Variants in DEGS1 observed in about 807,000 individuals in gnomAD.
DEGS1 encodes sphingolipid delta(4)-desaturase DES1.
Under a neutral mutation model 24.1 loss-of-function variants are expected in DEGS1, and 17 were observed. That is an observed-to-expected ratio of 0.70 (90% CI 0.48 to 1.06). The LOEUF (loss-of-function observed/expected upper bound fraction) is 1.06. Ranked by LOEUF, DEGS1 falls within the 50% of genes least tolerant of loss-of-function variation. The pLI, the probability that DEGS1 is intolerant of heterozygous loss-of-function variation, is 0.00. For missense variants in DEGS1, 366 were observed against 408.9 expected (o/e 0.90, Z 0.91); for synonymous variants, 134 against 140.0 (o/e 0.96, Z 0.30).
chr1:224,191,389 CAAAA>C (rs111834890), intron 2 of DEGS1, among the ~76,000 whole-genome samples: 1 of 123,092 alleles, frequency 8.1e-6, no homozygotes, highest in African/African-American at 3.0e-5. Flanking sequence ...AACTCCGTCT[CAAAA>C]AAAAAAAAAG....
chr1:224,186,600 C>G (rs1658400053), intron 1 of DEGS1, among the ~76,000 whole-genome samples: 2 of 151,358 alleles, frequency 1.3e-5, no homozygotes, highest in African/African-American at 4.9e-5. Context: ...GTAGTCCCAA[C>G]TACTCAGGAG....
At position 224,190,190 on chromosome 1, in the gene DEGS1, G is replaced by A. The variant is rs1213448082; in HGVS notation, c.696G>A (p.Glu232=). 10 of 1,560,754 alleles carry A rather than the reference G, an allele frequency of 6.4e-6. No homozygotes were observed. Among genetic ancestry groups the A allele is most frequent in the Non-Finnish European group, 8.6e-6 (10 of 1,157,644 alleles). Residue 232 remains glutamate (E), a synonymous_variant, in exon 2 of 3, where the codon GAG becomes GAA. Coordinates refer to ENST00000323699, the MANE Select transcript of DEGS1 (RefSeq NM_003676.4). ...CAATTTCTGGACATTTTATAGCTGA[G>A]CATTACATGTTCTTAAAGGGTCATG... ...LHPISGHFIA[E]HYMFLKGHET...
At chr1:224,191,917 A>G (rs1383929985) in intron 2 of DEGS1, among the ~76,000 whole-genome samples, 1 of 152,036 alleles carries the variant, frequency 6.6e-6, no homozygotes, top group Admixed American at 6.6e-5. Flanking sequence ...TTTCTATCTA[A>G]TTAGCATGCC....
At chr1:224,192,285 A>G (rs1329661237) in intron 2 of DEGS1, 47 bp from the exon 3 acceptor site, 4 of 1,565,490 alleles carry the variant, frequency 2.6e-6, no homozygotes, top group Non-Finnish European at 2.6e-6. Flanking sequence ...CTTTGAAAGA[A>G]CCTAGTAACA....
intron 1 of DEGS1, among the ~76,000 whole-genome samples, chr1:224,189,135 G>A (rs940872842): frequency 3.9e-5 from 6 of 152,142 alleles, no homozygotes; most frequent in African/African-American, 1.4e-4. Flanking sequence ...GGAAAATTCA[G>A]TACAGAATTA....
intron 1 of DEGS1, among the ~76,000 whole-genome samples, chr1:224,186,817 G>C (rs1397788634): frequency 1.3e-5 from 2 of 152,026 alleles, no homozygotes; most frequent in Non-Finnish European, 2.9e-5. Context: ...TTCTGTTTCA[G>C]GGTGGGAGAT....
At chr1:224,186,712 C>CAAAA (rs34809195) in intron 1 of DEGS1, among the ~76,000 whole-genome samples, 44 of 79,766 alleles carry the variant, frequency 5.5e-4, no homozygotes, top group East Asian at 1.2e-3. Flanking sequence ...GCCTCCGTCT[C>CAAAA]AAAAAAAAAA....
chr1:224,187,705 T>A (rs993000852), intron 1 of DEGS1, among the ~76,000 whole-genome samples: 1 of 152,116 alleles, frequency 6.6e-6, no homozygotes, highest in African/African-American at 2.4e-5. Context: ...TCATTTAAAG[T>A]GTACAGTTCA....
chr1:224,190,040 T>C lies in DEGS1; in HGVS notation c.546T>C (p.Ile182=). The C allele has an allele frequency of 6.2e-7, 1 of 1,614,176 alleles. No individual in the cohort carries two copies. The highest frequency in any genetic ancestry group is 8.5e-7 in the Non-Finnish European group (1 of 1,180,044). Residue 182 remains isoleucine, a synonymous_variant, in exon 2 of 3, where the codon ATT becomes ATC. Transcript: ENST00000323699. Reference sequence around the variant, plus strand: ...CTCTGTTCATCAACCCCAAACCAATTACGTATCTGGAAGTTATCAATACCG... The same window carrying C: ...CTCTGTTCATCAACCCCAAACCAATCACGTATCTGGAAGTTATCAATACCG... ...FRPLFINPKP[I]TYLEVINTVA...
At chr1:224,184,036 C>A (rs1362570034) in intron 1 of DEGS1, among the ~76,000 whole-genome samples, 1 of 152,252 alleles carries the variant, frequency 6.6e-6, no homozygotes, top group African/African-American at 2.4e-5. Context: ...CTTGATGGGC[C>A]CTGGTCGGTT....
At chr1:224,183,510 G>T in intron 1 of DEGS1, 92 bp downstream of exon 1, 4 of 1,026,762 alleles carry the variant, frequency 3.9e-6, no homozygotes, top group African/African-American at 1.7e-5. Flanking sequence ...GGTCGTGGGC[G>T]CCGGAGGCCC....
At position 224,183,284 on chromosome 1, in the gene DEGS1, C is replaced by T. The variant is rs547504098; in HGVS notation, c.-53C>T. The T allele has an allele frequency of 5.0e-4, 721 of 1,444,960 alleles. 3 individuals carry two copies. In the Middle Eastern group the frequency reaches 5.6e-3, roughly 11 times the overall value. The allele number at this position is 1,444,960 out of a possible 1,614,324, so 89.5% of individuals were successfully genotyped here. On this transcript the variant is annotated 5_prime_UTR_variant, in exon 1 of 3. Coordinates refer to ENST00000323699, the MANE Select transcript of DEGS1 (RefSeq NM_003676.4). ...CGCCGCCGCCGCCGCCACCTCTGAG[C>T]AGCCGGCTGGGAGCGAGAGCCGACA...
chr1:224,190,772 G>T (rs1303301762), intron 2 of DEGS1, among the ~76,000 whole-genome samples: 1 of 151,996 alleles, frequency 6.6e-6, no homozygotes, highest in Admixed American at 6.6e-5. Context: ...CTGTCACCTA[G>T]TCTAGAGTGC....
Position 224,192,398 on chromosome 1 carries a change from T to C in DEGS1, c.892T>C (p.Tyr298His). 6.2e-7 allele frequency: 1 copy of C among 1,613,574 alleles called. No homozygotes were observed. The highest frequency in any genetic ancestry group is 8.5e-7 in the Non-Finnish European group (1 of 1,179,718). The change falls in exon 3 of 3, where the codon TAT becomes CAT. Residue 298 changes from tyrosine (Y) to histidine (H), a missense_variant. Tyr to His is a moderately conservative substitution (Grantham distance 83, BLOSUM62 2). Coordinates refer to ENST00000323699, the MANE Select transcript of DEGS1 (RefSeq NM_003676.4). ...PHYNSWIKVL[Y>H]DFVMDDTISP... is the part of the protein sequence containing the mutation. The stretch of plus-strand genomic sequence containing the variant: ...CTACAATTCCTGGATAAAAGTACTG[T>C]ATGATTTTGTGATGGATGATACAAT...
chr1:224,190,722 A>G (rs1428907042), intron 2 of DEGS1, among the ~76,000 whole-genome samples: 2 of 151,312 alleles, frequency 1.3e-5, no homozygotes, highest in African/African-American at 4.9e-5. Context: ...TTTTAATTTT[A>G]TTTTTTAACT....
intron 1 of DEGS1, among the ~76,000 whole-genome samples, chr1:224,184,688 CTT>C (rs1270909953): frequency 6.6e-6 from 1 of 151,896 alleles, no homozygotes; most frequent in Non-Finnish European, 1.5e-5. Flanking sequence ...ATGTTTGTAT[CTT>C]TTTTAGTTAG....
At chr1:224,188,744 A>G (rs1658458164) in intron 1 of DEGS1, among the ~76,000 whole-genome samples, 1 of 152,204 alleles carries the variant, frequency 6.6e-6, no homozygotes, top group Non-Finnish European at 1.5e-5. Context: ...TATGAGATAC[A>G]TGATTTGCAA....
At chr1:224,187,521 G>A (rs1434170978) in intron 1 of DEGS1, among the ~76,000 whole-genome samples, 1 of 151,732 alleles carries the variant, frequency 6.6e-6, no homozygotes, top group Non-Finnish European at 1.5e-5. Flanking sequence ...ACCTCACCTG[G>A]CTAATTTTTT....
In DEGS1 at chr1:224,191,849, G is replaced by A. The variant is rs559230010; in HGVS notation, c.826-483G>A. On this transcript the variant is annotated intron_variant, in intron 2 of 2. Transcript: ENST00000323699. ...TGACCTCAGGTGATCCACCCGCCTC[G>A]GCTTCCCAAAGTCCTGGGATTACAG... 2.6e-5 allele frequency among the ~76,000 whole-genome samples: 4 copies of A among 151,998 alleles called. No individual in the cohort carries two copies. In the East Asian group the frequency reaches 5.8e-4, roughly 22 times the overall value.
Sources: gnomAD v4.1 joint callset for allele counts (sites outside exome capture counted in the v4.1 genomes callset) on GRCh38, gnomAD v4.1.1 for gene constraint, MANE v1.5 for transcripts, NCBI Gene and HGNC (gene_info 2026-07-23, HGNC 2026-07-21) for gene names.